STUM: variants seen among roughly 807,000 people sequenced by gnomAD.
STUM encodes protein stum homolog.
A neutral mutation model predicts 15.3 loss-of-function variants in STUM; 8 were observed. That is an observed-to-expected ratio of 0.52 (90% CI 0.31 to 0.94). The LOEUF is 0.94. Ranked by LOEUF, STUM falls within the 40% of genes least tolerant of loss-of-function variation. The pLI is 0.05. For synonymous variants in STUM, 78 were observed against 88.7 expected, an observed-to-expected ratio of 0.88 and a Z score of 0.68; for missense variants, 142 against 204.9, an observed-to-expected ratio of 0.69 and a Z score of 1.87.
intron 1 of STUM, among the ~76,000 whole-genome samples, chr1:226,592,300 G>T (rs931882322): frequency 1.3e-5 from 2 of 152,178 alleles, no homozygotes; most frequent in African/African-American, 2.4e-5. Context: ...CACCTGCCAT[G>T]GCCTCCCATG....
In STUM at chr1:226,605,094, C is replaced by G. The variant is rs921696692; in HGVS notation, c.*3054C>G. The stretch of plus-strand genomic sequence containing the variant: ...TGAGAAGGCCAGGTCCCCATGGGAG[C>G]GGCAGGAGTCTGATGGCTCTGCTGC... On this transcript the variant is annotated 3_prime_UTR_variant, in exon 4 of 4. Coordinates refer to ENST00000366788, the MANE Select transcript of STUM (RefSeq NM_001003665.4). This position sits in a 1 kb window ranked among gnomAD's most constrained non-coding sequence, Gnocchi z 4.0. 1 of 152,180 alleles carries G rather than the reference C, an allele frequency of 6.6e-6. No individual in the cohort carries two copies. The highest frequency in any genetic ancestry group is 2.4e-5 in the African/African-American group (1 of 41,412). The allele number at this position is 152,180 out of a possible 1,614,324, so 9.4% of individuals were successfully genotyped here. A position where few individuals can be genotyped will look rare whatever the true frequency, so the allele number is the denominator to read the frequency against.
In STUM at chr1:226,600,905, T is replaced by A. The variant is rs1292772284; in HGVS notation, c.391+231T>A. Among the ~76,000 whole-genome samples, 1 of 152,202 alleles carries A rather than the reference T, an allele frequency of 6.6e-6. No individual in the cohort carries two copies. Among genetic ancestry groups the A allele is most frequent in the East Asian group, 1.9e-4 (1 of 5,192 alleles). On this transcript the variant is annotated intron_variant, in intron 3 of 3. Transcript: ENST00000366788. The surrounding 1 kb of genome is among the most constrained non-coding windows in gnomAD (Gnocchi z 5.2). Reference sequence around the variant, plus strand: ...ACCAGCCTCAACTGCTATCAATTCATGGCCAGCCTCCTTTCCTCTGTCATT... The same window carrying A: ...ACCAGCCTCAACTGCTATCAATTCAAGGCCAGCCTCCTTTCCTCTGTCATT...
chr1:226,569,702 A>G (rs558438796), intron 1 of STUM, among the ~76,000 whole-genome samples: 5 of 152,278 alleles, frequency 3.3e-5, no homozygotes, highest in Admixed American at 1.3e-4. Context: ...AGCTCAATGT[A>G]ACGTACCCCC....
chr1:226,596,752 C>A (rs886543406), intron 1 of STUM, 50 bp from the exon 2 acceptor site: 2 of 1,539,496 alleles, frequency 1.3e-6, no homozygotes, highest in South Asian at 1.1e-5. Context: ...CACACAGACC[C>A]CTTTGTCTCC....
In STUM at chr1:226,581,078, AG is replaced by A. The variant is rs375004882; in HGVS notation, c.203-15722del. On this transcript the variant is annotated intron_variant, in intron 1 of 3. Coordinates refer to ENST00000366788, the MANE Select transcript of STUM (RefSeq NM_001003665.4). ...ATGTCTTCTTTCCAGCCCATAGGAA[AG>A]GAAAAGAGCAAAGTCTGGGGAAAGC... 6.4e-4 allele frequency among the ~76,000 whole-genome samples: 97 copies of A among 152,326 alleles called. 1 individual carries two copies. The East Asian group carries it at 0.016, about 25-fold the overall frequency.
intron 1 of STUM, among the ~76,000 whole-genome samples, chr1:226,560,766 C>T (rs1667526550): frequency 6.6e-6 from 1 of 152,156 alleles, no homozygotes; most frequent in Admixed American, 6.5e-5. Flanking sequence ...ATAATGCTCC[C>T]ATTTTGATTT....
chr1:226,595,296 C>CCTG (rs1335239379), intron 1 of STUM, among the ~76,000 whole-genome samples: 1 of 152,178 alleles, frequency 6.6e-6, no homozygotes, highest in Non-Finnish European at 1.5e-5. Context: ...CCTGTTTGTT[C>CCTG]CTGCTAGGCC....
In STUM at chr1:226,549,026, C is replaced by G. The variant is rs745549635; in HGVS notation, c.122C>G (p.Pro41Arg). 1 of 1,583,050 alleles carries G rather than the reference C, an allele frequency of 6.3e-7. No individual in the cohort carries two copies. Among genetic ancestry groups the G allele is most frequent in the South Asian group, 1.1e-5 (1 of 87,374 alleles). The change falls in exon 1 of 4, where the codon CCC (proline) becomes CGC (arginine). Residue 41 changes from proline (P) to arginine (R), a missense_variant. Pro to Arg is a moderately radical substitution (Grantham distance 103). Around this residue, in one of 2 missense-constraint regions of STUM, gnomAD observed 113 missense variants for 134.4 expected, o/e 0.84. Coordinates refer to ENST00000366788, the MANE Select transcript of STUM (RefSeq NM_001003665.4). This position sits in a 1 kb window ranked among gnomAD's most constrained non-coding sequence, Gnocchi z 6.8. ...GTGCAGGTCCGCGAGAAGAAGGGCC[C>G]CCTGCGCGCCGCCATCCCCTACATG... The part of the protein sequence containing the change: ...VVVQVREKKG[P>R]LRAAIPYMPF...
chr1:226,551,657 A>G (rs1161177586), intron 1 of STUM, among the ~76,000 whole-genome samples: 3 of 152,270 alleles, frequency 2.0e-5, no homozygotes, highest in East Asian at 3.8e-4. Flanking sequence ...CAATTCACTC[A>G]TTCATTTGAC....
At chr1:226,588,369 C>A (rs562009173) in intron 1 of STUM, among the ~76,000 whole-genome samples, 13 of 152,206 alleles carry the variant, frequency 8.5e-5, no homozygotes, top group Non-Finnish European at 1.9e-4. Flanking sequence ...AGTGGCCGAG[C>A]TGAAAGGATG....
At chr1:226,570,621 G>C (rs1266283738) in intron 1 of STUM, among the ~76,000 whole-genome samples, 1 of 152,190 alleles carries the variant, frequency 6.6e-6, no homozygotes, top group Non-Finnish European at 1.5e-5. Context: ...TTTTCTTCAA[G>C]GAGCATCATG....
intron 1 of STUM, among the ~76,000 whole-genome samples, chr1:226,560,175 T>C (rs1375042298): frequency 6.6e-6 from 1 of 152,184 alleles, no homozygotes; most frequent in Admixed American, 6.5e-5. Flanking sequence ...ACACAAAGTA[T>C]ATGATTCAGT....
chr1:226,566,260 A>C (rs1021616029), intron 1 of STUM, among the ~76,000 whole-genome samples: 7 of 152,248 alleles, frequency 4.6e-5, no homozygotes, highest in African/African-American at 1.7e-4. Context: ...GACACCAAAA[A>C]TTAGTGCATC....
chr1:226,577,749 C>T (rs550969829), intron 1 of STUM, among the ~76,000 whole-genome samples: 1 of 152,306 alleles, frequency 6.6e-6, no homozygotes, highest in African/African-American at 2.4e-5. Context: ...AGGCTTTAGT[C>T]AGATTCCGAC....
intron 1 of STUM, among the ~76,000 whole-genome samples, chr1:226,562,698 A>G (rs948229547): frequency 6.6e-6 from 1 of 152,188 alleles, no homozygotes; most frequent in Non-Finnish European, 1.5e-5. Flanking sequence ...CCTGGCCTGT[A>G]TTCTTCAAAA....
At chr1:226,573,814 A>G (rs1571801930) in intron 1 of STUM, among the ~76,000 whole-genome samples, 1 of 151,382 alleles carries the variant, frequency 6.6e-6, no homozygotes, top group African/African-American at 2.4e-5. Context: ...CTACTCTCCT[A>G]GTGAATTTCC....
At chr1:226,601,869 G>T in intron 3 of STUM, 137 bp from the exon 4 acceptor site, 2 of 659,924 alleles carry the variant, frequency 3.0e-6, no homozygotes, top group Non-Finnish European at 5.5e-6. Flanking sequence ...GGGAAAAGTT[G>T]TGCTCTGATG....
intron 2 of STUM, chr1:226,597,313 C>G: frequency 1.9e-6 from 1 of 516,340 alleles, no homozygotes; most frequent in Non-Finnish European, 3.9e-6. Flanking sequence ...GTTACCCTTT[C>G]TAAAATAACC....
intron 1 of STUM, among the ~76,000 whole-genome samples, chr1:226,561,311 T>C (rs569798707): frequency 6.6e-6 from 1 of 152,312 alleles, no homozygotes; most frequent in East Asian, 1.9e-4. Context: ...TAACTACTGG[T>C]AGGAAAGGTG....
Sources: allele counts gnomAD v4.1 joint callset (sites outside exome capture counted in the v4.1 genomes callset), GRCh38; gene constraint gnomAD v4.1.1; regional missense constraint gnomAD v4.1.1; non-coding constraint Gnocchi (gnomAD v3.1); transcripts MANE v1.5; gene names NCBI Gene and HGNC (gene_info 2026-07-23, HGNC 2026-07-21).